Variants in PPP1R16B observed in about 807,000 individuals in gnomAD.
The protein encoded by PPP1R16B is protein phosphatase 1 regulatory inhibitor subunit 16B.
Under a neutral mutation model 61.7 loss-of-function variants are expected in PPP1R16B, and 14 were observed. The observed-to-expected ratio is 0.23, with a 90% CI of 0.15 to 0.35. The LOEUF (loss-of-function observed/expected upper bound fraction) is 0.35. Among genes scored for constraint, PPP1R16B ranks in the 10% least tolerant of loss-of-function variants. PPP1R16B has a pLI of 1.00. For missense variants in PPP1R16B, 547 were observed against 752.5 expected, an observed-to-expected ratio of 0.73 and a Z score of 3.19; for synonymous variants, 266 against 305.3, an observed-to-expected ratio of 0.87 and a Z score of 1.34.
At chr20:38,819,873 A>T (rs556593058) in intron 1 of PPP1R16B, among the ~76,000 whole-genome samples, 12 of 152,264 alleles carry the variant, frequency 7.9e-5, no homozygotes, top group African/African-American at 2.9e-4. Flanking sequence ...TCACAAACTG[A>T]ACCTATCTAT....
intron 4 of PPP1R16B, among the ~76,000 whole-genome samples, chr20:38,899,952 C>T (rs113458655): frequency 3.9e-5 from 6 of 152,202 alleles, no homozygotes; most frequent in African/African-American, 7.2e-5. Context: ...TCCCACACCA[C>T]GCCCCGCTAA....
intron 1 of PPP1R16B, among the ~76,000 whole-genome samples, chr20:38,819,941 C>T (rs1391391234): frequency 7.2e-5 from 11 of 152,082 alleles, no homozygotes; most frequent in Non-Finnish European, 1.6e-4. Context: ...TCTCCAACCC[C>T]GTATGTCCCT....
chr20:38,855,972 AG>A (rs2085004906), intron 2 of PPP1R16B, among the ~76,000 whole-genome samples: 1 of 24,600 alleles, frequency 4.1e-5, no homozygotes, highest in African/African-American at 2.9e-4. Context: ...AGAGAGAGAG[AG>A]AGAGAGAGAA....
chr20:38,866,175 GTT>G (rs2085089418), intron 2 of PPP1R16B, among the ~76,000 whole-genome samples: 1 of 151,978 alleles, frequency 6.6e-6, no homozygotes, highest in South Asian at 2.1e-4. Context: ...AATTCGAGAG[GTT>G]TGATTTCTGC....
chr20:38,817,816 G>T (rs1300871966), intron 1 of PPP1R16B, among the ~76,000 whole-genome samples: 1 of 152,130 alleles, frequency 6.6e-6, no homozygotes, highest in Non-Finnish European at 1.5e-5. Flanking sequence ...AGGCCGAGGC[G>T]GGCGGATCAC....
At chr20:38,904,681 C>A (rs1257436183) in intron 6 of PPP1R16B, among the ~76,000 whole-genome samples, 2 of 152,140 alleles carry the variant, frequency 1.3e-5, no homozygotes, top group African/African-American at 4.8e-5. Context: ...CTTCAAGCAA[C>A]CTTCTCCCAG....
At chr20:38,862,381 G>A (rs1442757500) in intron 2 of PPP1R16B, among the ~76,000 whole-genome samples, 1 of 152,218 alleles carries the variant, frequency 6.6e-6, no homozygotes, top group Non-Finnish European at 1.5e-5. Context: ...AAGCTGAGGT[G>A]CAGAGAGGTT....
chr20:38,851,752 G>A (rs1601256380), intron 2 of PPP1R16B, among the ~76,000 whole-genome samples: 1 of 152,174 alleles, frequency 6.6e-6, no homozygotes, highest in Non-Finnish European at 1.5e-5. Context: ...TGGGCATGGT[G>A]GCTCATACCT....
chr20:38,902,616 C>G (rs200091628), intron 5 of PPP1R16B, 52 bp from the exon 6 acceptor site: 1 of 1,611,176 alleles, frequency 6.2e-7, no homozygotes, highest in Non-Finnish European at 8.5e-7. Context: ...CCCCTGCCCT[C>G]TGGGGTCGTA....
chr20:38,817,559 C>A (rs1237830497), intron 1 of PPP1R16B, among the ~76,000 whole-genome samples: 1 of 145,112 alleles, frequency 6.9e-6, no homozygotes, highest in Non-Finnish European at 1.5e-5. Context: ...GATTGAAACT[C>A]CATCTCAAAA....
intron 1 of PPP1R16B, among the ~76,000 whole-genome samples, chr20:38,814,568 T>A (rs140103609): frequency 4.1e-4 from 62 of 152,330 alleles, no homozygotes; most frequent in African/African-American, 1.3e-3. Context: ...ACATGCCAAC[T>A]ATTCTTATGG....
chr20:38,914,526 A>G (rs1369862380), intron 10 of PPP1R16B, among the ~76,000 whole-genome samples: 1 of 152,222 alleles, frequency 6.6e-6, no homozygotes, highest in Non-Finnish European at 1.5e-5. Context: ...CTCATTAAGC[A>G]TTAGGCAGAT....
chr20:38,893,368 G>A (rs987422058), intron 3 of PPP1R16B, among the ~76,000 whole-genome samples: 18 of 152,234 alleles, frequency 1.2e-4, no homozygotes, highest in African/African-American at 3.9e-4. Flanking sequence ...TCTTCTCTTG[G>A]CAACAGGGAG....
intron 1 of PPP1R16B, among the ~76,000 whole-genome samples, chr20:38,826,747 G>T (rs1371565567): frequency 6.6e-6 from 1 of 152,108 alleles, no homozygotes; most frequent in African/African-American, 2.4e-5. Context: ...CCAGGATTGG[G>T]GCTCATGGGC....
rs766319395 is a variant in PPP1R16B at position 38,895,525 on chromosome 20, G to T, written c.322-40G>T. ...TCCTGACCAGGGCCCGGGGCCCAGT[G>T]CCCTGCCTGGAGCTGACTCTGCCTG... On this transcript the variant is annotated intron_variant, in intron 3 of 10. Transcript: ENST00000299824. 6.9e-6 allele frequency: 11 copies of T among 1,604,762 alleles called. No individual in the cohort carries two copies. The East Asian group carries it at 1.8e-4, about 26-fold the overall frequency.
In PPP1R16B at chr20:38,900,577, G is replaced by A; in HGVS notation, c.468-4G>A. 1 of 1,600,038 alleles carries A rather than the reference G, an allele frequency of 6.2e-7. No homozygotes were observed. Among genetic ancestry groups the A allele is most frequent in the Non-Finnish European group, 8.5e-7 (1 of 1,173,988 alleles). ...TGGCCCTCACCCTGCCTCTTTCTCT[G>A]CAGTGGGGCCGACTTGCTTGCTGTC... On this transcript the variant is annotated splice_region_variant and splice_polypyrimidine_tract_variant and intron_variant, in intron 4 of 10. Transcript: ENST00000299824.
At chr20:38,916,198 T>A (rs984972484) in intron 10 of PPP1R16B, among the ~76,000 whole-genome samples, 1 of 151,306 alleles carries the variant, frequency 6.6e-6, no homozygotes, top group African/African-American at 2.4e-5. Flanking sequence ...AGGCCCTGAC[T>A]CTAAAAGGAG....
At chr20:38,857,625 T>A (rs1305787133) in intron 2 of PPP1R16B, among the ~76,000 whole-genome samples, 1 of 152,236 alleles carries the variant, frequency 6.6e-6, no homozygotes, top group Non-Finnish European at 1.5e-5. Context: ...AAATACACCA[T>A]CTTTGTCTCT....
intron 1 of PPP1R16B, among the ~76,000 whole-genome samples, chr20:38,834,705 G>T (rs999562693): frequency 2.6e-5 from 4 of 152,120 alleles, no homozygotes; most frequent in African/African-American, 9.6e-5. Flanking sequence ...TAATATAAAT[G>T]AATATTGAGG....
Sources: gnomAD v4.1 joint callset for allele counts (sites outside exome capture counted in the v4.1 genomes callset) on GRCh38, gnomAD v4.1.1 for gene constraint, MANE v1.5 for transcripts, NCBI Gene and HGNC (gene_info 2026-07-23, HGNC 2026-07-21) for gene names.